The following ARHGEF12 variants were observed in gnomAD, a reference collection of about 807,000 sequenced individuals.
ARHGEF12 encodes the protein Rho guanine nucleotide exchange factor 12.
In ARHGEF12, 66 loss-of-function variants were observed where a neutral mutation model predicts 211.2. That is an observed-to-expected ratio of 0.31 (90% CI 0.26 to 0.38). ARHGEF12 has a LOEUF of 0.38. ARHGEF12 is among the 10% of genes least tolerant of loss of function. The pLI, the probability that ARHGEF12 is intolerant of heterozygous loss-of-function variation, is 1.00. For synonymous variants in ARHGEF12, 592 were observed against 638.4 expected, an observed-to-expected ratio of 0.93 and a Z score of 1.09; for missense variants, 1,429 against 1,869.5, an observed-to-expected ratio of 0.76 and a Z score of 4.34.
intron 1 of ARHGEF12, among the ~76,000 whole-genome samples, chr11:120,379,095 C>A (rs1329430856): frequency 6.6e-6 from 1 of 152,070 alleles, no homozygotes; most frequent in Non-Finnish European, 1.5e-5. Context: ...ATCTTTCTCT[C>A]CATTAATTTA....
intron 1 of ARHGEF12, among the ~76,000 whole-genome samples, chr11:120,378,124 A>G (rs909918929): frequency 1.3e-5 from 2 of 152,160 alleles, no homozygotes; most frequent in Admixed American, 6.6e-5. Flanking sequence ...GTCATTTTAC[A>G]TTCCCACTAG....
In ARHGEF12 at chr11:120,428,159, T is replaced by C. The variant is rs1385745574; in HGVS notation, c.497T>C (p.Ile166Thr). 3.1e-6 allele frequency: 5 copies of C among 1,611,852 alleles called. No individual in the cohort carries two copies. In the African/African-American group the frequency reaches 4.0e-5, roughly 13 times the overall value. The change falls in exon 8 of 41, where the codon ATT (isoleucine) becomes ACT (threonine). Residue 166 changes from isoleucine to threonine, a missense_variant. Physicochemically the swap from Ile to Thr is moderately conservative, Grantham distance 89. Around this residue, in one of 7 missense-constraint regions of ARHGEF12, gnomAD observed 254 missense variants for 286.4 expected, o/e 0.89. Coordinates refer to ENST00000397843, the MANE Select transcript of ARHGEF12 (RefSeq NM_015313.3). ...GACTCTGAAGTAGAGCCGTCAGTCA[T>C]TGGACATATGTCTCCCATCATGACA... is the stretch of plus-strand genomic sequence containing the variant. ...LADSEVEPSVIGHMSPIMTSP... is the reference protein window; with the variant it reads ...LADSEVEPSVTGHMSPIMTSP...
intron 15 of ARHGEF12, among the ~76,000 whole-genome samples, chr11:120,443,797 CA>C (rs1243700757): frequency 1.3e-5 from 2 of 152,112 alleles, no homozygotes; most frequent in East Asian, 1.9e-4. Flanking sequence ...GCCAATACCA[CA>C]ATAAAAAATG....
chr11:120,448,631 CTAAA>C (rs1287321789), intron 20 of ARHGEF12: 1 of 408,594 alleles, frequency 2.4e-6, no homozygotes, highest in Admixed American at 4.2e-5. Flanking sequence ...TTTGCCTAAA[CTAAA>C]TACCCCCTGT....
intron 21 of ARHGEF12, 95 bp from the exon 22 acceptor site, chr11:120,451,417 T>G: frequency 8.9e-7 from 1 of 1,120,010 alleles, no homozygotes; most frequent in Non-Finnish European, 1.3e-6. Flanking sequence ...GACCTCATGA[T>G]TCGCCCACCT....
At chr11:120,405,111 G>A (rs937372418) in intron 1 of ARHGEF12, among the ~76,000 whole-genome samples, 2 of 152,046 alleles carry the variant, frequency 1.3e-5, no homozygotes, top group African/African-American at 4.8e-5. Flanking sequence ...TATTTTGGAG[G>A]TTTTGTTTCT....
chr11:120,425,235 T>G (rs1945304332), intron 7 of ARHGEF12, among the ~76,000 whole-genome samples: 1 of 152,212 alleles, frequency 6.6e-6, no homozygotes, highest in African/African-American at 2.4e-5. Flanking sequence ...GTGGGTCATC[T>G]GAATCTGAGT....
At chr11:120,464,125 A>C (rs1946625776) in intron 27 of ARHGEF12, 1 of 152,264 alleles carries the variant, frequency 6.6e-6, no homozygotes, top group Non-Finnish European at 1.5e-5. Context: ...TGCACAGGTG[A>C]AACAGCAGTG....
intron 4 of ARHGEF12, among the ~76,000 whole-genome samples, chr11:120,414,617 G>GATATGCACTCATTTACCATTACTCT (rs1944977231): frequency 1.3e-5 from 2 of 152,116 alleles, no homozygotes; most frequent in Admixed American, 6.5e-5. Context: ...CAGTGATAGA[G>GATATGCACTCATTTACCATTACTCT]ATATGCACTC....
intron 1 of ARHGEF12, among the ~76,000 whole-genome samples, chr11:120,379,277 A>G (rs1289805445): frequency 6.6e-6 from 1 of 152,002 alleles, no homozygotes; most frequent in Non-Finnish European, 1.5e-5. Flanking sequence ...TTCATCTTAC[A>G]TACTGTTACT....
chr11:120,421,754 T>A, intron 5 of ARHGEF12, 49 bp from the exon 6 acceptor site: 1 of 1,532,072 alleles, frequency 6.5e-7, no homozygotes, highest in Non-Finnish European at 9.0e-7. Flanking sequence ...AGGAAGATGA[T>A]CAGTAAATGC....
intron 13 of ARHGEF12, among the ~76,000 whole-genome samples, chr11:120,441,382 A>G (rs1435799755): frequency 6.6e-6 from 1 of 152,176 alleles, no homozygotes; most frequent in African/African-American, 2.4e-5. Flanking sequence ...TGATTGGGCA[A>G]AAAGCCTTCC....
chr11:120,438,494 T>A (rs1945766260), intron 12 of ARHGEF12: 2 of 151,948 alleles, frequency 1.3e-5, no homozygotes, highest in Non-Finnish European at 2.9e-5. Context: ...TTAAAGAAAA[T>A]AATAAGAGTT....
intron 7 of ARHGEF12, among the ~76,000 whole-genome samples, chr11:120,424,672 CTG>C (rs1945287895): frequency 1.3e-5 from 2 of 152,172 alleles, no homozygotes; most frequent in Non-Finnish European, 2.9e-5. Flanking sequence ...TTGCTGATCC[CTG>C]CATTGAAGGA....
In ARHGEF12 at chr11:120,459,224, C is replaced by G. The variant is rs1946451131; in HGVS notation, c.2431C>G (p.Gln811Glu). 2 of 1,613,562 alleles carry G rather than the reference C, an allele frequency of 1.2e-6. No individual in the cohort carries two copies. Among genetic ancestry groups the G allele is most frequent in the Non-Finnish European group, 1.7e-6 (2 of 1,179,742 alleles). Reference sequence around the variant, plus strand: ...TGTTCGAACACTGAAGGTTCTTGATCAAGTGTTCTATCAGCGAGTATCCAG... The same window carrying G: ...TGTTCGAACACTGAAGGTTCTTGATGAAGTGTTCTATCAGCGAGTATCCAG... ...AHVRTLKVLD[Q>E]VFYQRVSREG... is the part of the protein sequence containing the mutation. The change falls in exon 26 of 41, where the codon CAA becomes GAA. Residue 811 changes from glutamine to glutamate, a missense_variant. By Grantham distance (29) the Gln-to-Glu change is conservative. This residue lies in a region of ARHGEF12 where 223 missense variants were observed against 444.6 expected (regional missense o/e 0.50). Coordinates refer to ENST00000397843, the MANE Select transcript of ARHGEF12 (RefSeq NM_015313.3).
intron 1 of ARHGEF12, among the ~76,000 whole-genome samples, chr11:120,374,006 C>T (rs912935554): frequency 6.6e-6 from 1 of 152,094 alleles, no homozygotes; most frequent in Non-Finnish European, 1.5e-5. Context: ...AAGGTTTCTC[C>T]GTGTTAGTCA....
chr11:120,464,985 G>A (rs1009135525), intron 27 of ARHGEF12: 17 of 383,820 alleles, frequency 4.4e-5, no homozygotes, highest in Non-Finnish European at 6.9e-5. Flanking sequence ...CAGCCTGGGC[G>A]ACAGAGCAAC....
chr11:120,469,297 C>A lies in ARHGEF12; in HGVS notation c.2864C>A (p.Thr955Lys). Residue 955 changes from threonine to lysine, a missense_variant, in exon 30 of 41, where the codon ACA (threonine) becomes AAA (lysine). Thr to Lys is a moderately conservative substitution (Grantham distance 78). This residue lies in a region of ARHGEF12 where 223 missense variants were observed against 444.6 expected (regional missense o/e 0.50). Coordinates refer to ENST00000397843, the MANE Select transcript of ARHGEF12 (RefSeq NM_015313.3). ...DNIAKYTEWP[T>K]EREKVKKAAD... ...TCTTTCCCATATTTAGAATGGCCAA[C>A]AGAAAGGGAGAAGGTGAAGAAAGCT... 1.2e-6 allele frequency: 2 copies of A among 1,611,438 alleles called. No homozygotes were observed. Among genetic ancestry groups the A allele is most frequent in the Non-Finnish European group, 1.7e-6 (2 of 1,178,930 alleles).
At chr11:120,391,696 A>G (rs964679526) in intron 1 of ARHGEF12, among the ~76,000 whole-genome samples, 2 of 152,218 alleles carry the variant, frequency 1.3e-5, no homozygotes, top group Non-Finnish European at 2.9e-5. Flanking sequence ...AAAAAACAAA[A>G]CAAAAACTGT....
Sources: gnomAD v4.1 joint callset for allele counts (sites outside exome capture counted in the v4.1 genomes callset) on GRCh38, gnomAD v4.1.1 for gene constraint, gnomAD v4.1.1 regional missense constraint, MANE v1.5 for transcripts, NCBI Gene and HGNC (gene_info 2026-07-23, HGNC 2026-07-21) for gene names.